The following CTNNA3 variants were observed in gnomAD, a reference collection of about 807,000 sequenced individuals.
CTNNA3 encodes catenin alpha-3.
Under a neutral mutation model 95.7 loss-of-function variants are expected in CTNNA3, and 76 were observed. That is an observed-to-expected ratio of 0.79 (90% CI 0.66 to 0.96). The LOEUF (loss-of-function observed/expected upper bound fraction) is 0.96, where lower values mean the gene tolerates loss of function less well. Among genes scored for constraint, CTNNA3 ranks in the 40% least tolerant of loss-of-function variants. The probability of loss-of-function intolerance (pLI) is 0.00; values close to 1 mark genes in which losing one functional copy is unlikely to be tolerated. For missense variants in CTNNA3, 1,191 were observed against 1,089.8 expected, an observed-to-expected ratio of 1.09 and a Z score of -1.31; for synonymous variants, 431 against 374.4, an observed-to-expected ratio of 1.15 and a Z score of -1.74.
At chr10:66,309,235 G>A (rs775283298) in intron 12 of CTNNA3, among the ~76,000 whole-genome samples, 1 of 152,082 alleles carries the variant, frequency 6.6e-6, no homozygotes, top group Non-Finnish European at 1.5e-5. Flanking sequence ...TATATACTCT[G>A]CTCTTATTTG....
chr10:67,049,902 A>G (rs1854978145), intron 7 of CTNNA3, among the ~76,000 whole-genome samples: 1 of 152,210 alleles, frequency 6.6e-6, no homozygotes, highest in Admixed American at 6.5e-5. Context: ...CATTAGTCTT[A>G]GCATATGCTG....
chr10:66,310,686 C>CTTT (rs370233209), intron 12 of CTNNA3, among the ~76,000 whole-genome samples: 7 of 132,596 alleles, frequency 5.3e-5, no homozygotes, highest in Admixed American at 2.3e-4. Context: ...TTATACATAA[C>CTTT]TTTTTTTTTT....
chr10:67,660,522 C>G (rs911758744), intron 1 of CTNNA3, among the ~76,000 whole-genome samples: 1 of 152,176 alleles, frequency 6.6e-6, no homozygotes, highest in Non-Finnish European at 1.5e-5. Flanking sequence ...CTTCACTCAT[C>G]TTTCATAGCA....
intron 3 of CTNNA3, among the ~76,000 whole-genome samples, chr10:67,578,996 G>GATATATATATATATAT (rs533690910): frequency 5.7e-5 from 5 of 87,386 alleles, no homozygotes; most frequent in Admixed American, 2.5e-4. Context: ...TGATCATAGT[G>GATATATATATATATAT]ATATATATAT....
intron 11 of CTNNA3, among the ~76,000 whole-genome samples, chr10:66,457,231 T>C (rs1338952614): frequency 6.6e-6 from 1 of 152,168 alleles, no homozygotes; most frequent in African/African-American, 2.4e-5. Flanking sequence ...TGTAAAACTT[T>C]TGCTTTACAA....
rs1374701833 is a variant in CTNNA3 at position 66,482,968 on chromosome 10, G to C, written c.1531+37649C>G. The stretch of plus-strand genomic sequence containing the variant: ...CAGGAAAGCTAAGCCCAATGGAATA[G>C]CACTCTCATGATGACCAGCATCCAG... On this transcript the variant is annotated intron_variant, in intron 11 of 17. Transcript: ENST00000433211. Among the ~76,000 whole-genome samples the C allele has an allele frequency of 5.3e-5, 8 of 152,300 alleles. No homozygotes were observed. In the East Asian group the frequency reaches 1.2e-3, roughly 22 times the overall value.
At chr10:66,156,001 C>A (rs1287811019) in intron 13 of CTNNA3, among the ~76,000 whole-genome samples, 1 of 151,736 alleles carries the variant, frequency 6.6e-6, no homozygotes, top group Non-Finnish European at 1.5e-5. Flanking sequence ...ATCCAAATGG[C>A]CAAAATAGTA....
chr10:66,935,172 G>A (rs1847624906), intron 7 of CTNNA3, among the ~76,000 whole-genome samples: 1 of 152,134 alleles, frequency 6.6e-6, no homozygotes, highest in Non-Finnish European at 1.5e-5. Context: ...AATATTTGAT[G>A]CAGTCAACCA....
chr10:66,430,977 T>C (rs555342083), intron 11 of CTNNA3, among the ~76,000 whole-genome samples: 15 of 151,596 alleles, frequency 9.9e-5, no homozygotes, highest in Non-Finnish European at 2.2e-4. Context: ...ACCTACAGAA[T>C]GGGAGAAAAT....
chr10:67,105,101 A>G lies in CTNNA3; in HGVS notation c.1047+75216T>C, dbSNP rs193200615. Among the ~76,000 whole-genome samples the G allele has an allele frequency of 1.4e-3, 216 of 152,214 alleles. 1 individual carries two copies. Among genetic ancestry groups the G allele is most frequent in the African/African-American group, 5.1e-3 (211 of 41,578 alleles). ...GTGATTTATTATTAAATAATCTGCC[A>G]GTAATTTTAAAAACTAAGACCCATT... On this transcript the variant is annotated intron_variant, in intron 7 of 17. Transcript: ENST00000433211.
chr10:66,993,237 G>T (rs1449560293), intron 7 of CTNNA3, among the ~76,000 whole-genome samples: 1 of 152,128 alleles, frequency 6.6e-6, no homozygotes, highest in Non-Finnish European at 1.5e-5. Context: ...GCTTTGGAAA[G>T]CATGATAGGT....
intron 5 of CTNNA3, among the ~76,000 whole-genome samples, chr10:67,221,775 C>T (rs1420551690): frequency 1.3e-5 from 2 of 152,018 alleles, no homozygotes; most frequent in African/African-American, 2.4e-5. Flanking sequence ...GGGGTTTCAT[C>T]ATGCTAGCCA....
At chr10:66,483,005 G>A (rs1301336715) in intron 11 of CTNNA3, among the ~76,000 whole-genome samples, 1 of 152,188 alleles carries the variant, frequency 6.6e-6, no homozygotes, top group African/African-American at 2.4e-5. Flanking sequence ...GTGGAGCACA[G>A]GAGAGGTTGG....
chr10:67,091,322 A>T (rs549009748), intron 7 of CTNNA3, among the ~76,000 whole-genome samples: 2 of 152,104 alleles, frequency 1.3e-5, no homozygotes, highest in South Asian at 4.1e-4. Context: ...GAGAATTTAA[A>T]GACAGTGTGA....
chr10:67,658,453 C>T (rs766095985), intron 1 of CTNNA3, among the ~76,000 whole-genome samples: 35 of 152,238 alleles, frequency 2.3e-4, no homozygotes, highest in Middle Eastern at 3.4e-3. Flanking sequence ...AATTATTATT[C>T]AAGAGTGCTT....
At chr10:66,285,860 G>A (rs1391690596) in intron 12 of CTNNA3, among the ~76,000 whole-genome samples, 1 of 150,018 alleles carries the variant, frequency 6.7e-6, no homozygotes, top group Non-Finnish European at 1.5e-5. Flanking sequence ...TTTGGTTCAT[G>A]CAAATAGAAT....
intron 14 of CTNNA3, among the ~76,000 whole-genome samples, chr10:66,091,533 A>G (rs1232407738): frequency 2.0e-5 from 3 of 151,758 alleles, no homozygotes; most frequent in Non-Finnish European, 4.4e-5. Flanking sequence ...ACATCATGGG[A>G]AAAAAAAGAA....
At chr10:66,769,189 G>A (rs978280910) in intron 8 of CTNNA3, among the ~76,000 whole-genome samples, 12 of 152,168 alleles carry the variant, frequency 7.9e-5, no homozygotes, top group Non-Finnish European at 1.3e-4. Flanking sequence ...AGAATAACAG[G>A]TGAAAAAGAA....
At chr10:66,227,669 G>C (rs566483526) in intron 13 of CTNNA3, among the ~76,000 whole-genome samples, 6 of 152,066 alleles carry the variant, frequency 3.9e-5, no homozygotes, top group Non-Finnish European at 8.8e-5. Context: ...TTTGGTATCA[G>C]GGTAATGCTT....
Sources: gnomAD v4.1 joint callset for allele counts (sites outside exome capture counted in the v4.1 genomes callset) on GRCh38, gnomAD v4.1.1 for gene constraint, MANE v1.5 for transcripts, NCBI Gene and HGNC (gene_info 2026-07-23, HGNC 2026-07-21) for gene names.